TMEM245: variants seen among roughly 807,000 people sequenced by gnomAD.
TMEM245 encodes the protein protein CG-2.
Under a neutral mutation model 101.2 loss-of-function variants are expected in TMEM245, and 69 were observed. The observed-to-expected ratio is 0.68, with a 90% CI of 0.56 to 0.83. The LOEUF is 0.83. Ranked by LOEUF, TMEM245 falls within the 40% of genes least tolerant of loss-of-function variation. The probability of loss-of-function intolerance (pLI) is 0.00; values close to 1 mark genes in which losing one functional copy is unlikely to be tolerated. For missense variants in TMEM245, 1,075 were observed against 1,092.8 expected, an observed-to-expected ratio of 0.98 and a Z score of 0.23; for synonymous variants, 537 against 449.8, an observed-to-expected ratio of 1.19 and a Z score of -2.45.
chr9:109,022,467 T>TTATCTATC (rs35280235), intron 17 of TMEM245, among the ~76,000 whole-genome samples: 51,051 of 149,358 alleles, frequency 0.34, 8,956 homozygotes, highest in East Asian at 0.42. Context: ...TTTATATGCA[T>TTATCTATC]TATCTATCTA....
At chr9:109,096,957 C>T (rs1830157451) in intron 3 of TMEM245, among the ~76,000 whole-genome samples, 1 of 152,200 alleles carries the variant, frequency 6.6e-6, no homozygotes, top group Non-Finnish European at 1.5e-5. Context: ...AAATAGGCGA[C>T]TAGGCTATAT....
intron 8 of TMEM245, among the ~76,000 whole-genome samples, chr9:109,076,077 A>T (rs1829489333): frequency 6.6e-6 from 1 of 152,164 alleles, no homozygotes; most frequent in Non-Finnish European, 1.5e-5. Flanking sequence ...TTCCTTTGAA[A>T]TTTATTCGAT....
At chr9:109,046,904 C>A (rs1828515086) in intron 14 of TMEM245, among the ~76,000 whole-genome samples, 1 of 152,218 alleles carries the variant, frequency 6.6e-6, no homozygotes, top group African/African-American at 2.4e-5. Context: ...TCACTACCAT[C>A]TTCTCCACAG....
rs1827425284 is a variant in TMEM245, at chr9:109,015,886, A to C, written c.*4574T>G. The C allele has an allele frequency of 6.6e-6, 1 of 152,406 alleles. No individual in the cohort carries two copies. Among genetic ancestry groups the C allele is most frequent in the Admixed American group, 6.5e-5 (1 of 15,274 alleles). 9.4% of individuals were successfully genotyped at this position (152,406 alleles called of 1,614,324 possible). ...TTGCACATTAGTTGATCCTTGAAAA[A>C]CCTGCAAAATTAAACACAATACTGA... On this transcript the variant is annotated 3_prime_UTR_variant, in exon 18 of 18. Transcript: ENST00000374586.
intron 10 of TMEM245, among the ~76,000 whole-genome samples, chr9:109,061,316 A>AG (rs1006734880): frequency 5.9e-5 from 9 of 152,114 alleles, no homozygotes; most frequent in Non-Finnish European, 8.8e-5. Flanking sequence ...ACCTGGTCTC[A>AG]GAAAAAAAAA....
At chr9:109,047,132 A>C (rs566744379) in intron 14 of TMEM245, among the ~76,000 whole-genome samples, 1 of 152,324 alleles carries the variant, frequency 6.6e-6, no homozygotes, top group African/African-American at 2.4e-5. Context: ...ATAAAAATCT[A>C]TCAATTCTGA....
chr9:109,056,794 C>T (rs772919345), intron 12 of TMEM245, among the ~76,000 whole-genome samples: 6 of 152,146 alleles, frequency 3.9e-5, no homozygotes, highest in Non-Finnish European at 7.4e-5. Flanking sequence ...AGGAATGCTG[C>T]AGACTGCAGA....
rs1397835202 is a variant in TMEM245 at position 109,036,359 on chromosome 9, G to A, written c.2246C>T (p.Ala749Val). The change falls in exon 16 of 18, where the codon GCA becomes GTA. Residue 749 changes from alanine (A) to valine (V), a missense_variant. Physicochemically the swap from Ala to Val is moderately conservative, Grantham distance 64. Around this residue, in one of 2 missense-constraint regions of TMEM245, gnomAD observed 267 missense variants for 351.3 expected, o/e 0.76. Coordinates refer to ENST00000374586, the MANE Select transcript of TMEM245 (RefSeq NM_032012.4). Reference protein sequence around the residue: ...IPSALAAILGAVPFLGTYWAA... With the variant: ...IPSALAAILGVVPFLGTYWAA... ...CCAGTATGTCCCCAGGAATGGCACT[G>A]CTCCAAGGATTGCTGCTAATGCTGA... 2.5e-6 allele frequency: 4 copies of A among 1,599,388 alleles called. No individual in the cohort carries two copies. The highest frequency in any genetic ancestry group is 2.2e-5 in the East Asian group (1 of 44,738).
rs747221039 is a variant in TMEM245, at chr9:109,050,700, G to A, written c.1855-8C>T. ...CCACAGAGACTCCAAGATCTGACGA[G>A]GAAGGAAAGCTGGATATCAGAACCA... On this transcript the variant is annotated splice_polypyrimidine_tract_variant and splice_region_variant and intron_variant, in intron 12 of 17. Coordinates refer to ENST00000374586, the MANE Select transcript of TMEM245 (RefSeq NM_032012.4). 6.2e-7 allele frequency: 1 copy of A among 1,611,620 alleles called. No individual in the cohort carries two copies. Among genetic ancestry groups the A allele is most frequent in the African/African-American group, 1.4e-5 (1 of 74,066 alleles).
In TMEM245 at chr9:109,108,435, A is replaced by G. The variant is rs541458776; in HGVS notation, c.697+18T>C. 109 of 1,433,554 alleles carry G rather than the reference A, an allele frequency of 7.6e-5. No individual in the cohort carries two copies. Among genetic ancestry groups the G allele is most frequent in the Admixed American group, 2.4e-4 (9 of 38,236 alleles). 88.8% of individuals were successfully genotyped at this position (1,433,554 alleles called of 1,614,324 possible). ...AGGCTAGACTTAAAAAAAAAAAAAA[A>G]AAAAAGAAGGAACCCACCTAAATGA... On this transcript the variant is annotated intron_variant, in intron 2 of 17. Coordinates refer to ENST00000374586, the MANE Select transcript of TMEM245 (RefSeq NM_032012.4).
At chr9:109,055,673 T>G (rs2132412336) in intron 12 of TMEM245, among the ~76,000 whole-genome samples, 1 of 147,190 alleles carries the variant, frequency 6.8e-6, no homozygotes, top group Non-Finnish European at 1.5e-5. Flanking sequence ...TCGCTCTTGT[T>G]ACCCAGGCTG....
At chr9:109,033,919 G>A (rs1010505384) in intron 16 of TMEM245, among the ~76,000 whole-genome samples, 17 of 152,154 alleles carry the variant, frequency 1.1e-4, no homozygotes, top group African/African-American at 4.1e-4. Flanking sequence ...TTTATATGAC[G>A]ACAGCAACAA....
At chr9:109,110,836 G>A (rs763573054) in intron 1 of TMEM245, among the ~76,000 whole-genome samples, 8 of 152,056 alleles carry the variant, frequency 5.3e-5, no homozygotes, top group Non-Finnish European at 1.0e-4. Flanking sequence ...GTTCTGCTTC[G>A]AGATTCAAAA....
At chr9:109,036,624 C>T (rs898262598) in intron 15 of TMEM245, among the ~76,000 whole-genome samples, 5 of 152,112 alleles carry the variant, frequency 3.3e-5, no homozygotes, top group African/African-American at 1.2e-4. Context: ...TGGATCTCTT[C>T]TTAAGCAATA....
intron 17 of TMEM245, among the ~76,000 whole-genome samples, chr9:109,028,049 A>G (rs1447943231): frequency 1.3e-5 from 2 of 152,156 alleles, no homozygotes; most frequent in Non-Finnish European, 2.9e-5. Flanking sequence ...TTCTGTTAAT[A>G]CAGGTTAGTG....
intron 1 of TMEM245, among the ~76,000 whole-genome samples, chr9:109,117,171 G>T (rs1433673209): frequency 1.3e-5 from 2 of 151,834 alleles, no homozygotes. Flanking sequence ...GTGCAGTGGT[G>T]CAATCTTGGC....
chr9:109,045,648 T>C (rs1489234643), intron 14 of TMEM245, among the ~76,000 whole-genome samples: 3 of 152,232 alleles, frequency 2.0e-5, no homozygotes, highest in African/African-American at 4.8e-5. Flanking sequence ...AGTTCCATTA[T>C]TAGCCCACTA....
chr9:109,059,332 C>T (rs536420895), intron 11 of TMEM245, among the ~76,000 whole-genome samples: 103 of 152,134 alleles, frequency 6.8e-4, no homozygotes, highest in Non-Finnish European at 1.1e-3. Context: ...TAAAATCAGC[C>T]CTCCTCCCCC....
Position 109,087,311 on chromosome 9 carries a change from A to G in TMEM245, c.1182T>C (p.Phe394=), listed in dbSNP as rs1469638644. Residue 394 remains phenylalanine (F), a synonymous_variant, in exon 6 of 18, where the codon TTT becomes TTC. Coordinates refer to ENST00000374586, the MANE Select transcript of TMEM245 (RefSeq NM_032012.4). ...VWILKKLVIH[F]GVVDFLEKRY... ...GTTTCTCTAGGAAATCCACAACTCC[A>G]AAGTGAATGACAAGCTTTTTGAGTA... is the stretch of plus-strand genomic sequence containing the variant. 5.0e-6 allele frequency: 8 copies of G among 1,608,726 alleles called. No individual in the cohort carries two copies. The South Asian group carries it at 8.9e-5, about 18-fold the overall frequency.
Sources: gnomAD v4.1 joint callset for allele counts (sites outside exome capture counted in the v4.1 genomes callset) on GRCh38, gnomAD v4.1.1 for gene constraint, gnomAD v4.1.1 regional missense constraint, MANE v1.5 for transcripts, NCBI Gene and HGNC (gene_info 2026-07-23, HGNC 2026-07-21) for gene names.